Variants in HNRNPL observed in about 807,000 individuals in gnomAD.
HNRNPL encodes the protein epididymis secretory sperm binding protein.
A neutral mutation model predicts 64.0 loss-of-function variants in HNRNPL; 12 were observed. That is an observed-to-expected ratio of 0.19 (90% CI 0.12 to 0.30). The LOEUF (loss-of-function observed/expected upper bound fraction) is 0.30, where lower values mean the gene tolerates loss of function less well. Ranked by LOEUF, HNRNPL falls within the 10% of genes least tolerant of loss-of-function variation. HNRNPL has a pLI of 1.00. For missense variants in HNRNPL, 484 were observed against 797.4 expected (o/e 0.61, Z 4.73); for synonymous variants, 385 against 313.0 (o/e 1.23, Z -2.43).
intron 6 of HNRNPL, chr19:38,841,817 T>C: frequency 2.4e-6 from 1 of 411,786 alleles, no homozygotes; most frequent in Non-Finnish European, 4.7e-6. Flanking sequence ...CCTCAGAAGA[T>C]ATCAGAAAAG....
chr19:38,841,986 T>C (rs943834947), intron 6 of HNRNPL: 5 of 286,478 alleles, frequency 1.7e-5, no homozygotes, highest in African/African-American at 8.9e-5. Context: ...GCTCGCGCTT[T>C]TGGCCTTGGG....
Position 38,849,895 on chromosome 19 carries a change from C to T in HNRNPL, c.72G>A (p.Glu24=), listed in dbSNP as rs750427229. ...RRLEQRQQPD[E]QRRRSGAMVK... is the part of the protein sequence containing the mutation. ...CCATCGCTCCCGACCGCCTCCGCTG[C>T]TCGTCCGGCTGCTGCCTCTGCTCCA... The change falls in exon 1 of 13, where the codon GAG becomes GAA. Residue 24 remains glutamate, a synonymous_variant. Coordinates refer to ENST00000221419, the MANE Select transcript of HNRNPL (RefSeq NM_001533.3). 9 of 1,258,930 alleles carry T rather than the reference C, an allele frequency of 7.1e-6. No homozygotes were observed. The East Asian group carries it at 8.0e-5, about 11-fold the overall frequency. The allele number at this position is 1,258,930 out of a possible 1,614,324, so 78.0% of individuals were successfully genotyped here.
intron 1 of HNRNPL, among the ~76,000 whole-genome samples, chr19:38,849,129 C>A (rs1972406392): frequency 6.6e-6 from 1 of 152,262 alleles, no homozygotes; most frequent in African/African-American, 2.4e-5. Flanking sequence ...TCCTAAAAGG[C>A]TAAAAGTGCA....
chr19:38,847,582 A>C (rs1324666065), intron 1 of HNRNPL, 148 bp from the exon 2 acceptor site: 1 of 421,068 alleles, frequency 2.4e-6, no homozygotes, highest in Non-Finnish European at 4.3e-6. Context: ...CAGCAATTGA[A>C]GCCAATCAGC....
Position 38,847,330 on chromosome 19 carries a change from C to T in HNRNPL, c.372G>A (p.Glu124=), listed in dbSNP as rs149444364. The change falls in exon 2 of 13, where the codon GAG becomes GAA. Residue 124 remains glutamate, a synonymous_variant. Coordinates refer to ENST00000221419, the MANE Select transcript of HNRNPL (RefSeq NM_001533.3). The part of the protein sequence containing the change: ...VEADLVEALQ[E]FGPISYVVVM... ...GAGCCCAGTACCTGATGGGTCCAAA[C>T]TCCTGCAAGGCCTCCACAAGGTCTG... is the stretch of plus-strand genomic sequence containing the variant. 7.6e-4 allele frequency: 1,154 copies of T among 1,517,338 alleles called. 3 individuals carry two copies. The highest frequency in any genetic ancestry group is 1.6e-3 in the Middle Eastern group (9 of 5,722). 94.0% of individuals were successfully genotyped at this position (1,517,338 alleles called of 1,614,324 possible). A position where few individuals can be genotyped will look rare whatever the true frequency, so the allele number is the denominator to read the frequency against.
chr19:38,840,600 T>TG, intron 6 of HNRNPL, 41 bp from the exon 7 acceptor site: 1 of 1,501,780 alleles, frequency 6.7e-7, no homozygotes, highest in Non-Finnish European at 9.1e-7. Flanking sequence ...ACTCAGAAAT[T>TG]GGGGTCTCTC....
chr19:38,849,678 G>C (rs1025441139), intron 1 of HNRNPL, 22 bp downstream of exon 1: 281 of 1,307,090 alleles, frequency 2.1e-4, no homozygotes, highest in Non-Finnish European at 2.6e-4. Flanking sequence ...GGCCTTCCCA[G>C]CGCCTAGGGC....
In HNRNPL at chr19:38,849,919, C is replaced by T. The variant is rs750527640; in HGVS notation, c.48G>A (p.Leu16=). 2.3e-6 allele frequency: 3 copies of T among 1,324,536 alleles called. No homozygotes were observed. The highest frequency in any genetic ancestry group is 2.8e-5 in the East Asian group (1 of 35,870). The allele number at this position is 1,324,536 out of a possible 1,614,324, so 82.0% of individuals were successfully genotyped here. The change falls in exon 1 of 13, where the codon CTG becomes CTA. Residue 16 remains leucine, a synonymous_variant. Coordinates refer to ENST00000221419, the MANE Select transcript of HNRNPL (RefSeq NM_001533.3). The part of the protein sequence containing the change: ...LPRAEKRRRR[L]EQRQQPDEQR... Reference sequence around the variant, plus strand: ...GCTCGTCCGGCTGCTGCCTCTGCTCCAGCCGCCGACGCCGCTTCTCCGCCC... The same window carrying T: ...GCTCGTCCGGCTGCTGCCTCTGCTCTAGCCGCCGACGCCGCTTCTCCGCCC...
At chr19:38,844,216 A>C in intron 4 of HNRNPL, 112 bp from the exon 5 acceptor site, 1 of 709,668 alleles carries the variant, frequency 1.4e-6, no homozygotes, top group Non-Finnish European at 2.5e-6. Flanking sequence ...TACAGACGGA[A>C]GCTTTGGGAT....
intron 6 of HNRNPL, chr19:38,841,877 C>T (rs1972128205): frequency 2.7e-6 from 1 of 372,284 alleles, no homozygotes. Flanking sequence ...GTTGTCACCT[C>T]CTCACATATG....
chr19:38,838,646 C>G (rs1972009256), intron 9 of HNRNPL, 48 bp from the exon 10 acceptor site: 2 of 1,570,210 alleles, frequency 1.3e-6, no homozygotes, highest in Non-Finnish European at 1.7e-6. Context: ...AAAGTTGTCC[C>G]TGAAGCTTTC....
intron 1 of HNRNPL, chr19:38,847,755 C>T (rs542781936): frequency 8.7e-5 from 16 of 183,908 alleles, no homozygotes; most frequent in Middle Eastern, 2.0e-3. Context: ...CTGGTCCACT[C>T]GACCAAGGAA....
rs773150503 is a variant in HNRNPL, at chr19:38,847,444, G to A, written c.268-10C>T. On this transcript the variant is annotated splice_polypyrimidine_tract_variant and intron_variant, in intron 1 of 12. Coordinates refer to ENST00000221419, the MANE Select transcript of HNRNPL (RefSeq NM_001533.3). Reference sequence around the variant, plus strand: ...GGTCATCGTAGTTCTCCTGAGAAAGGAAGCAAAAACAAGAATTATTTTCTT... The same window carrying A: ...GGTCATCGTAGTTCTCCTGAGAAAGAAAGCAAAAACAAGAATTATTTTCTT... 4 of 1,465,488 alleles carry A rather than the reference G, an allele frequency of 2.7e-6. No individual in the cohort carries two copies. The highest frequency in any genetic ancestry group is 1.8e-4 in the Middle Eastern group (1 of 5,566). The allele number at this position is 1,465,488 out of a possible 1,614,324, so 90.8% of individuals were successfully genotyped here. A position where few individuals can be genotyped will look rare whatever the true frequency, so the allele number is the denominator to read the frequency against.
At chr19:38,836,904 G>T in intron 12 of HNRNPL, 124 bp from the exon 13 acceptor site, 1 of 651,582 alleles carries the variant, frequency 1.5e-6, no homozygotes, top group Non-Finnish European at 2.7e-6. Context: ...AGGAGTGACT[G>T]CCCAACGTGA....
Position 38,849,946 on chromosome 19 carries a change from G to C in HNRNPL, c.21C>G (p.Pro7=), listed in dbSNP as rs1233220035. MSRRLL[P]RAEKRRRRLE... ...GCCGCCGACGCCGCTTCTCCGCCCG[G>C]GGCAGCAGCCTCCGCGACATGGCGG... is the stretch of plus-strand genomic sequence containing the variant. Residue 7 remains proline, a synonymous_variant, in exon 1 of 13, where the codon CCC becomes CCG. Coordinates refer to ENST00000221419, the MANE Select transcript of HNRNPL (RefSeq NM_001533.3). The C allele has an allele frequency of 2.2e-6, 3 of 1,357,196 alleles. No individual in the cohort carries two copies. The highest frequency in any genetic ancestry group is 1.5e-5 in the African/African-American group (1 of 65,912). 84.1% of individuals were successfully genotyped at this position (1,357,196 alleles called of 1,614,324 possible).
At position 38,843,925 on chromosome 19, in the gene HNRNPL, A is replaced by G; in HGVS notation, c.808-11T>C. 1.2e-6 allele frequency: 2 copies of G among 1,614,062 alleles called. No homozygotes were observed. The highest frequency in any genetic ancestry group is 1.7e-6 in the Non-Finnish European group (2 of 1,179,860). ...ATTCAAGCGTGTAGGCTGCAAGGAC[A>G]GGACAAGACAAGACTTGAGGTCAGC... On this transcript the variant is annotated splice_polypyrimidine_tract_variant and intron_variant, in intron 5 of 12. Transcript: ENST00000221419.
intron 1 of HNRNPL, 72 bp from the exon 2 acceptor site, chr19:38,847,506 T>C: frequency 2.5e-6 from 2 of 794,448 alleles, no homozygotes; most frequent in East Asian, 3.0e-5. Flanking sequence ...CTCTGTACTG[T>C]TGTAGACCCA....
rs913913024 is a variant in HNRNPL, at chr19:38,840,035, C to T, written c.1233+61G>A. ...ACCAGGCTCCCCCCTGGTTCTTTCC[C>T]GTGCTGACTGGCAAGATACGAGGCT... On this transcript the variant is annotated intron_variant, in intron 8 of 12. Transcript: ENST00000221419. 2.9e-5 allele frequency: 44 copies of T among 1,543,234 alleles called. 1 individual carries two copies. The Middle Eastern group carries it at 6.8e-4, about 24-fold the overall frequency.
At position 38,849,958 on chromosome 19, in the gene HNRNPL, C is replaced by T. The variant is rs1007581607; in HGVS notation, c.9G>A (p.Arg3=). MS[R]RLLPRAEKRR... Reference sequence around the variant, plus strand: ...GCTTCTCCGCCCGGGGCAGCAGCCTCCGCGACATGGCGGCGCAGAACCCGC... The same window carrying T: ...GCTTCTCCGCCCGGGGCAGCAGCCTTCGCGACATGGCGGCGCAGAACCCGC... The change falls in exon 1 of 13, where the codon CGG becomes CGA. Residue 3 remains arginine (R), a synonymous_variant. Transcript: ENST00000221419. 8 of 1,347,090 alleles carry T rather than the reference C, an allele frequency of 5.9e-6. No individual in the cohort carries two copies. The highest frequency in any genetic ancestry group is 3.4e-5 in the Admixed American group (1 of 29,080). 83.4% of individuals were successfully genotyped at this position (1,347,090 alleles called of 1,614,324 possible).
Sources: gnomAD v4.1 joint callset for allele counts (sites outside exome capture counted in the v4.1 genomes callset) on GRCh38, gnomAD v4.1.1 for gene constraint, MANE v1.5 for transcripts, NCBI Gene and HGNC (gene_info 2026-07-23, HGNC 2026-07-21) for gene names.